CCDC62: variants seen among roughly 807,000 people sequenced by gnomAD.
CCDC62 encodes coiled-coil domain containing 62, also known as coiled-coil domain-containing protein 62.
Under a neutral mutation model 80.8 loss-of-function variants are expected in CCDC62, and 72 were observed. The ratio of observed to expected loss-of-function variants is 0.89; its 90% CI spans 0.74 to 1.08. The LOEUF (loss-of-function observed/expected upper bound fraction) is 1.08. Among genes scored for constraint, CCDC62 ranks in the 50% least tolerant of loss-of-function variants. The pLI, the probability that CCDC62 is intolerant of heterozygous loss-of-function variation, is 0.00. For missense variants in CCDC62, 704 were observed against 809.4 expected (o/e 0.87, Z 1.58); for synonymous variants, 286 against 296.5 (o/e 0.96, Z 0.36).
intron 2 of CCDC62, among the ~76,000 whole-genome samples, chr12:122,778,912 T>C (rs1879651287): frequency 6.6e-6 from 1 of 152,008 alleles, no homozygotes; most frequent in South Asian, 2.1e-4. Flanking sequence ...AACCCAAATA[T>C]ATGATTTTTT....
chr12:122,801,300 CTG>C lies in CCDC62; in HGVS notation c.1158_1159del (p.Phe387TrpfsTer33). On this transcript the variant is annotated frameshift_variant, in exon 9 of 13. Coordinates refer to ENST00000253079, the MANE Select transcript of CCDC62 (RefSeq NM_201435.5). LOFTEE classifies it high-confidence loss of function. Reference sequence around the variant, plus strand: ...AAAGAGAAGAAACAACAGATCGATACTGTGTTTGGGGAGAAAAGTGTAATTAC... The same window carrying C: ...AAAGAGAAGAAACAACAGATCGATACTGTTTGGGGAGAAAAGTGTAATTAC... The C allele has an allele frequency of 1.9e-6, 3 of 1,614,106 alleles. No homozygotes were observed. The highest frequency in any genetic ancestry group is 2.5e-6 in the Non-Finnish European group (3 of 1,179,986).
intron 11 of CCDC62, among the ~76,000 whole-genome samples, chr12:122,813,974 C>A (rs1430046255): frequency 2.7e-5 from 4 of 150,004 alleles, no homozygotes; most frequent in South Asian, 2.2e-4. Flanking sequence ...TTTTAAAAAA[C>A]CAAATTTTAT....
chr12:122,820,418 G>A (rs780045665), intron 11 of CCDC62, among the ~76,000 whole-genome samples: 2 of 152,164 alleles, frequency 1.3e-5, no homozygotes, highest in Non-Finnish European at 2.9e-5. Flanking sequence ...CTGCTGTGTG[G>A]GCCTGGCCGT....
At chr12:122,820,061 C>CAAAAAAAAA (rs34620795) in intron 11 of CCDC62, among the ~76,000 whole-genome samples, 16 of 58,052 alleles carry the variant, frequency 2.8e-4, no homozygotes, top group South Asian at 8.3e-4. Context: ...GATCCTGTCT[C>CAAAAAAAAA]AAAAAAAAAA....
In CCDC62 at chr12:122,788,782, A is replaced by G. The variant is rs1195664813; in HGVS notation, c.523A>G (p.Asn175Asp). The G allele has an allele frequency of 6.3e-7, 1 of 1,577,338 alleles. No individual in the cohort carries two copies. Among genetic ancestry groups the G allele is most frequent in the Non-Finnish European group, 8.6e-7 (1 of 1,167,786 alleles). ...GGACAAAGATATTATTGAGGCAGTT[A>G]ATCACATTGCAGATTGTTCGGGTAA... ...LKDKDIIEAVNHIADCSGKFK... is the reference protein window; with the variant it reads ...LKDKDIIEAVDHIADCSGKFK... The change falls in exon 5 of 13, where the codon AAT (asparagine) becomes GAT (aspartate). Residue 175 changes from asparagine (N) to aspartate (D), a missense_variant. Asn to Asp is a conservative substitution (Grantham distance 23). Transcript: ENST00000253079.
intron 11 of CCDC62, among the ~76,000 whole-genome samples, chr12:122,818,137 G>A (rs2032244873): frequency 6.6e-6 from 1 of 151,900 alleles, no homozygotes; most frequent in Non-Finnish European, 1.5e-5. Context: ...CCAAGACTTT[G>A]TCTCTACAAA....
Position 122,781,168 on chromosome 12 carries a change from A to C in CCDC62, c.234A>C (p.Glu78Asp). Residue 78 changes from glutamate to aspartate, a missense_variant, in exon 3 of 13, where the codon GAA (glutamate) becomes GAC (aspartate). By Grantham distance (45) the Glu-to-Asp change is conservative (BLOSUM62 2). Transcript: ENST00000253079. ...LEERCSKLEG[E>D]LHKRTEIIRS... ...TTATTGATGAACTTCCCTCAGGTGA[A>C]CTACATAAAAGAACTGAAATAATCA... The C allele has an allele frequency of 6.2e-7, 1 of 1,610,240 alleles. No individual in the cohort carries two copies. The highest frequency in any genetic ancestry group is 8.5e-7 in the Non-Finnish European group (1 of 1,178,844).
chr12:122,800,647 G>A lies in CCDC62; in HGVS notation c.978-477G>A, dbSNP rs374244051. On this transcript the variant is annotated intron_variant, in intron 8 of 12. Transcript: ENST00000253079. The stretch of plus-strand genomic sequence containing the variant: ...CTCCATGTTGGTCAGGCTGGGTCTC[G>A]AACTCCTGACCTCAGGTGATCCACC... 9.2e-5 allele frequency among the ~76,000 whole-genome samples: 14 copies of A among 151,988 alleles called. No individual in the cohort carries two copies. The East Asian group carries it at 2.7e-3, about 29-fold the overall frequency.
chr12:122,820,478 C>T (rs1320984495), intron 11 of CCDC62, among the ~76,000 whole-genome samples: 3 of 152,152 alleles, frequency 2.0e-5, no homozygotes, highest in Non-Finnish European at 4.4e-5. Context: ...GGCTCTTGGC[C>T]TTTCTCGTGG....
intron 10 of CCDC62, among the ~76,000 whole-genome samples, chr12:122,809,109 G>A (rs3852535): frequency 0.84 from 128,333 of 152,264 alleles, 55,336 homozygotes; most frequent in East Asian, 0.99. Context: ...CCAAAGAGAC[G>A]CTATTCTTTA....
intron 11 of CCDC62, among the ~76,000 whole-genome samples, chr12:122,816,884 G>C (rs905144589): frequency 6.6e-6 from 1 of 151,970 alleles, no homozygotes; most frequent in Non-Finnish European, 1.5e-5. Context: ...CCCAAAAGGA[G>C]ACCCCACATC....
In CCDC62 at chr12:122,798,180, A is replaced by G. The variant is rs1347257322; in HGVS notation, c.957A>G (p.Glu319=). ...LIQMYDSKME[E]SKALDSSRDM... ...AGATGTATGACTCAAAGATGGAGGA[A>G]TCAAAGGCTCTGGACTCCAGGTAAT... The change falls in exon 8 of 13, where the codon GAA becomes GAG. Residue 319 remains glutamate, a synonymous_variant. Coordinates refer to ENST00000253079, the MANE Select transcript of CCDC62 (RefSeq NM_201435.5). The G allele has an allele frequency of 6.4e-7, 1 of 1,554,918 alleles. No homozygotes were observed. The highest frequency in any genetic ancestry group is 1.7e-5 in the Admixed American group (1 of 59,598).
intron 11 of CCDC62, among the ~76,000 whole-genome samples, chr12:122,814,759 T>C (rs7303973): frequency 0.93 from 141,909 of 152,110 alleles, 66,295 homozygotes; most frequent in East Asian, 0.99. Context: ...CCACCTGCCT[T>C]GGCCTCCCAA....
chr12:122,794,647 G>C (rs915930844), intron 6 of CCDC62, among the ~76,000 whole-genome samples: 2 of 151,948 alleles, frequency 1.3e-5, no homozygotes, highest in Non-Finnish European at 2.9e-5. Context: ...AGTGAACAAA[G>C]CCTACAAAAG....
At chr12:122,783,416 C>T (rs1402713269) in intron 3 of CCDC62, among the ~76,000 whole-genome samples, 11 of 151,708 alleles carry the variant, frequency 7.3e-5, no homozygotes, top group African/African-American at 1.9e-4. Context: ...TTAGTAGAGA[C>T]GGGGTTTCAC....
At chr12:122,783,731 C>G (rs879682983) in intron 3 of CCDC62, among the ~76,000 whole-genome samples, 2 of 152,052 alleles carry the variant, frequency 1.3e-5, no homozygotes, top group Non-Finnish European at 2.9e-5. Context: ...TTAACTAATA[C>G]ACTTTATTTA....
intron 10 of CCDC62, among the ~76,000 whole-genome samples, chr12:122,808,762 A>C (rs1433466337): frequency 6.6e-6 from 1 of 152,088 alleles, no homozygotes; most frequent in East Asian, 1.9e-4. Flanking sequence ...CCTTACCTCA[A>C]GCAATCCTCC....
chr12:122,784,694 GC>G (rs2030102245), intron 3 of CCDC62, among the ~76,000 whole-genome samples: 1 of 152,052 alleles, frequency 6.6e-6, no homozygotes, highest in Non-Finnish European at 1.5e-5. Context: ...AATTAACTGG[GC>G]ATAATGGTGA....
intron 1 of CCDC62, chr12:122,776,761 A>C (rs1879479544): frequency 6.6e-6 from 1 of 151,986 alleles, no homozygotes; most frequent in African/African-American, 2.4e-5. Flanking sequence ...TTGTTTAGTA[A>C]GGATCATTTA....
Sources: allele counts gnomAD v4.1 joint callset (sites outside exome capture counted in the v4.1 genomes callset), GRCh38; gene constraint gnomAD v4.1.1; transcripts MANE v1.5; gene names NCBI Gene and HGNC (gene_info 2026-07-23, HGNC 2026-07-21).